Variants in ITGA9 observed in about 807,000 individuals in gnomAD.
ITGA9 encodes integrin subunit alpha 9.
A neutral mutation model predicts 127.8 loss-of-function variants in ITGA9; 56 were observed. That is an observed-to-expected ratio of 0.44 (90% CI 0.35 to 0.55). The LOEUF is 0.55. Among genes scored for constraint, ITGA9 ranks in the 20% least tolerant of loss-of-function variants. The probability of loss-of-function intolerance (pLI) is 0.00; values close to 1 mark genes in which losing one functional copy is unlikely to be tolerated. For synonymous variants in ITGA9, 508 were observed against 514.5 expected, an observed-to-expected ratio of 0.99 and a Z score of 0.17; for missense variants, 1,196 against 1,347.1, an observed-to-expected ratio of 0.89 and a Z score of 1.76.
chr3:37,801,941 G>T (rs1317145863), intron 26 of ITGA9, among the ~76,000 whole-genome samples: 2 of 152,144 alleles, frequency 1.3e-5, no homozygotes, highest in African/African-American at 4.8e-5. Flanking sequence ...AGTAGAGGTG[G>T]TCTCATTTTC....
intron 23 of ITGA9, among the ~76,000 whole-genome samples, chr3:37,764,543 C>T (rs1423842728): frequency 2.6e-5 from 4 of 151,988 alleles, no homozygotes; most frequent in African/African-American, 9.7e-5. Flanking sequence ...GGCGTTCCCT[C>T]CCACCCAACT....
intron 18 of ITGA9, among the ~76,000 whole-genome samples, chr3:37,691,532 G>A (rs1312690978): frequency 2.6e-5 from 4 of 152,176 alleles, no homozygotes; most frequent in African/African-American, 4.8e-5. Context: ...TAATAAAACC[G>A]AGAGATCTTA....
Position 37,743,374 on chromosome 3 carries a change from G to A in ITGA9, c.2325-552G>A, listed in dbSNP as rs1203595873. ...AACATTGAAAGCATTGCTGCAAACT[G>A]AGCTTGAATTCTTCTCACCTCTTAT... On this transcript the variant is annotated intron_variant, in intron 21 of 27. Coordinates refer to ENST00000264741, the MANE Select transcript of ITGA9 (RefSeq NM_002207.3). Among the ~76,000 whole-genome samples the A allele has an allele frequency of 2.0e-5, 3 of 152,270 alleles. No homozygotes were observed. The East Asian group carries it at 5.8e-4, about 29-fold the overall frequency.
At chr3:37,540,921 G>A (rs542890260) in intron 14 of ITGA9, among the ~76,000 whole-genome samples, 17 of 152,310 alleles carry the variant, frequency 1.1e-4, no homozygotes, top group Non-Finnish European at 2.1e-4. Flanking sequence ...GTTTGCTGGC[G>A]TTAAACAAGT....
intron 23 of ITGA9, among the ~76,000 whole-genome samples, chr3:37,771,719 T>A (rs1696846059): frequency 6.6e-6 from 1 of 151,846 alleles, no homozygotes; most frequent in South Asian, 2.1e-4. Flanking sequence ...AATGCTCTGT[T>A]CCCCCCTTCC....
chr3:37,699,289 G>A (rs534519349), intron 18 of ITGA9, among the ~76,000 whole-genome samples: 2 of 152,150 alleles, frequency 1.3e-5, no homozygotes, highest in Admixed American at 6.5e-5. Context: ...CAAATTGCCT[G>A]TTTGGCCTCT....
intron 26 of ITGA9, among the ~76,000 whole-genome samples, chr3:37,797,921 T>G (rs1434508504): frequency 6.6e-6 from 1 of 152,042 alleles, no homozygotes; most frequent in East Asian, 1.9e-4. Context: ...TGGCCTCAAG[T>G]TGATCCACCC....
chr3:37,478,617 T>G (rs1443251189), intron 3 of ITGA9, among the ~76,000 whole-genome samples: 1 of 152,212 alleles, frequency 6.6e-6, no homozygotes, highest in Non-Finnish European at 1.5e-5. Flanking sequence ...ACAGCCGAAC[T>G]CATTTGGAGA....
In ITGA9 at chr3:37,822,309, GC is replaced by G. The variant is rs760664181; in HGVS notation, c.*3324del. Reference sequence around the variant, plus strand: ...CTTTGTAAAAATGGAGTAAAACAGTGCCCCTTTTTTAAAAAAAGTTTTGCTT... The same window carrying G: ...CTTTGTAAAAATGGAGTAAAACAGTGCCCTTTTTTAAAAAAAGTTTTGCTT... On this transcript the variant is annotated 3_prime_UTR_variant, in exon 28 of 28. Transcript: ENST00000264741. The G allele has an allele frequency of 6.6e-6, 1 of 150,750 alleles. No individual in the cohort carries two copies. The highest frequency in any genetic ancestry group is 1.5e-5 in the Non-Finnish European group (1 of 67,220). 9.3% of individuals were successfully genotyped at this position (150,750 alleles called of 1,614,324 possible). A position where few individuals can be genotyped will look rare whatever the true frequency, so the allele number is the denominator to read the frequency against.
At chr3:37,764,466 TAAAAAA>T (rs10694316) in intron 23 of ITGA9, among the ~76,000 whole-genome samples, 19 of 74,672 alleles carry the variant, frequency 2.5e-4, no homozygotes, top group African/African-American at 1.0e-3. Context: ...AGATTCTCAG[TAAAAAA>T]AAAAAAAAAA....
At chr3:37,789,502 G>A (rs1300852418) in intron 26 of ITGA9, among the ~76,000 whole-genome samples, 1 of 151,900 alleles carries the variant, frequency 6.6e-6, no homozygotes, top group Non-Finnish European at 1.5e-5. Context: ...GCTCACACCT[G>A]TAATCCTAGC....
At chr3:37,809,137 G>A (rs569389991) in intron 27 of ITGA9, among the ~76,000 whole-genome samples, 2 of 149,504 alleles carry the variant, frequency 1.3e-5, no homozygotes, top group African/African-American at 4.9e-5. Context: ...TCAGGCTGGA[G>A]TGCAGTAGCA....
intron 24 of ITGA9, among the ~76,000 whole-genome samples, chr3:37,778,316 A>C (rs1372462058): frequency 6.6e-6 from 1 of 152,168 alleles, no homozygotes; most frequent in African/African-American, 2.4e-5. Flanking sequence ...GTATAAACAC[A>C]TGTAAAAATT....
At chr3:37,512,014 TTTTCTTTTCTTTTCTTTCTTTC>T (rs1487030928) in intron 8 of ITGA9, among the ~76,000 whole-genome samples, 19 of 31,922 alleles carry the variant, frequency 6.0e-4, no homozygotes, top group African/African-American at 1.3e-3. Context: ...TTTTCTTTTC[TTTTCTTTTCTTTTCTTTCTTTC>T]TTTCTTTCTT....
At chr3:37,500,869 C>T (rs1698780946) in intron 5 of ITGA9, among the ~76,000 whole-genome samples, 1 of 152,220 alleles carries the variant, frequency 6.6e-6, no homozygotes, top group Admixed American at 6.5e-5. Flanking sequence ...CAGTGAGAGA[C>T]TTGACCTGCA....
chr3:37,499,074 G>A (rs768553837), intron 5 of ITGA9, among the ~76,000 whole-genome samples: 22 of 152,246 alleles, frequency 1.4e-4, no homozygotes, highest in Non-Finnish European at 2.6e-4. Context: ...GTGACCCTGA[G>A]CTTAACAAAG....
rs537923419 is a variant in ITGA9 at position 37,511,191 on chromosome 3, A to G, written c.897+2564A>G. ...AAGAAACAAAGCAAAAAGATTAAAA[A>G]AACAAAACCAAACAAAAAAAACCTG... On this transcript the variant is annotated intron_variant, in intron 8 of 27. Coordinates refer to ENST00000264741, the MANE Select transcript of ITGA9 (RefSeq NM_002207.3). 5.9e-5 allele frequency among the ~76,000 whole-genome samples: 9 copies of G among 152,346 alleles called. No homozygotes were observed. In the South Asian group the frequency reaches 8.3e-4, roughly 14 times the overall value.
rs1243394720 is a variant in ITGA9, at chr3:37,785,145, G to C, written c.2889+67G>C. ...GGAAGCTGGGTGACTTGGAGACCTG[G>C]AGCTGGAATTTGAGGGTCAAGACAG... On this transcript the variant is annotated intron_variant, in intron 26 of 27. Transcript: ENST00000264741. 2.6e-6 allele frequency: 3 copies of C among 1,132,874 alleles called. No homozygotes were observed. The East Asian group carries it at 7.0e-5, about 27-fold the overall frequency. The allele number at this position is 1,132,874 out of a possible 1,614,324, so 70.2% of individuals were successfully genotyped here. A position where few individuals can be genotyped will look rare whatever the true frequency, so the allele number is the denominator to read the frequency against.
intron 27 of ITGA9, among the ~76,000 whole-genome samples, chr3:37,818,125 G>A (rs1697458980): frequency 1.5e-5 from 2 of 134,000 alleles, no homozygotes; most frequent in African/African-American, 5.8e-5. Flanking sequence ...TCAGGTCCCT[G>A]GTTTTTTTCC....
Sources: allele counts gnomAD v4.1 joint callset (sites outside exome capture counted in the v4.1 genomes callset), GRCh38; gene constraint gnomAD v4.1.1; transcripts MANE v1.5; gene names NCBI Gene and HGNC (gene_info 2026-07-23, HGNC 2026-07-21).